BIRC6: variants seen among roughly 807,000 people sequenced by gnomAD.
BIRC6 encodes dual E2 ubiquitin-conjugating enzyme/E3 ubiquitin-protein ligase BIRC6.
Under a neutral mutation model 503.3 loss-of-function variants are expected in BIRC6, and 98 were observed. The observed-to-expected ratio is 0.19, with a 90% confidence interval of 0.17 to 0.23. The LOEUF is 0.23. Ranked by LOEUF, BIRC6 falls within the 10% of genes least tolerant of loss-of-function variation. BIRC6 has a pLI of 1.00. For missense variants in BIRC6, 5,360 were observed against 5,806.0 expected, an observed-to-expected ratio of 0.92 and a Z score of 2.50; for synonymous variants, 2,240 against 2,078.7, an observed-to-expected ratio of 1.08 and a Z score of -2.11.
At position 32,463,190 on chromosome 2, in the gene BIRC6, C is replaced by A. The variant is rs764312408; in HGVS notation, c.4754-4C>A. 3.7e-5 allele frequency: 60 copies of A among 1,601,442 alleles called. No homozygotes were observed. The South Asian group carries it at 6.5e-4, about 17-fold the overall frequency. On this transcript the variant is annotated splice_polypyrimidine_tract_variant and splice_region_variant and intron_variant, in intron 23 of 73. Transcript: ENST00000421745. ...TTTTGTTTTTACCCCTTGTCTTATGCCAGTGAGTTCCTTCGGGGTTACTCC... is the reference window on the plus strand; with the variant it reads ...TTTTGTTTTTACCCCTTGTCTTATGACAGTGAGTTCCTTCGGGGTTACTCC...
intron 1 of BIRC6, among the ~76,000 whole-genome samples, chr2:32,360,097 G>T (rs1206647530): frequency 1.3e-5 from 2 of 152,162 alleles, no homozygotes; most frequent in Non-Finnish European, 2.9e-5. Context: ...CCGTTTATGG[G>T]CAATGGGCCA....
Position 32,357,576 on chromosome 2 carries a change from T to C in BIRC6, c.325+90T>C. Reference sequence around the variant, plus strand: ...GGCCTCGCGACTCGGGGAAGCGAGATGGCGAGAGGGCAGGGCTGGGGGTTC... The same window carrying C: ...GGCCTCGCGACTCGGGGAAGCGAGACGGCGAGAGGGCAGGGCTGGGGGTTC... On this transcript the variant is annotated intron_variant, in intron 1 of 73. Coordinates refer to ENST00000421745, the MANE Select transcript of BIRC6 (RefSeq NM_016252.4). This position sits in a 1 kb window ranked among gnomAD's most constrained non-coding sequence, Gnocchi z 4.9. The C allele has an allele frequency of 6.7e-7, 1 of 1,497,360 alleles. No individual in the cohort carries two copies. The highest frequency in any genetic ancestry group is 1.3e-5 in the South Asian group (1 of 79,822). 92.8% of individuals were successfully genotyped at this position (1,497,360 alleles called of 1,614,324 possible). A position where few individuals can be genotyped will look rare whatever the true frequency, so the allele number is the denominator to read the frequency against.
intron 29 of BIRC6, 56 bp from the exon 30 acceptor site, chr2:32,469,339 T>C (rs1266770197): frequency 3.0e-6 from 4 of 1,316,024 alleles, no homozygotes; most frequent in Admixed American, 4.9e-5. Flanking sequence ...ATGCGTATTT[T>C]AATATTATAC....
rs183265589 is a variant in BIRC6, at chr2:32,521,348, A to G, written c.11623+2402A>G. On this transcript the variant is annotated intron_variant, in intron 57 of 73. Coordinates refer to ENST00000421745, the MANE Select transcript of BIRC6 (RefSeq NM_016252.4). ...ATGAGTTCCAGACCACCTGGGCAAC[A>G]TAGCAAGACCTCATCTCAAAAAAAA... Among the ~76,000 whole-genome samples the G allele has an allele frequency of 6.2e-4, 84 of 134,804 alleles. 1 individual carries two copies. In the East Asian group the frequency reaches 0.013, roughly 21 times the overall value. The allele number at this position is 134,804 out of a possible 152,430, so 88.4% of individuals were successfully genotyped here.
At chr2:32,395,118 A>C (rs1320951964) in intron 5 of BIRC6, among the ~76,000 whole-genome samples, 1 of 152,160 alleles carries the variant, frequency 6.6e-6, no homozygotes, top group Non-Finnish European at 1.5e-5. Flanking sequence ...GCGCCACTGC[A>C]CTCCAGCCTG....
chr2:32,357,052 C>A lies in BIRC6; in HGVS notation c.-110C>A. On this transcript the variant is annotated 5_prime_UTR_variant, in exon 1 of 74. Transcript: ENST00000421745. The surrounding 1 kb of genome is among the most constrained non-coding windows in gnomAD (Gnocchi z 4.9). ...CTCCCTGCTTCTCCCCCTCTCCCGTCAGCCTCCCTCCGAGTTTGGCCCCTC... is the reference window on the plus strand; with the variant it reads ...CTCCCTGCTTCTCCCCCTCTCCCGTAAGCCTCCCTCCGAGTTTGGCCCCTC... 1 of 973,548 alleles carries A rather than the reference C, an allele frequency of 1.0e-6. No homozygotes were observed. The highest frequency in any genetic ancestry group is 1.9e-5 in the South Asian group (1 of 52,844). 60.3% of individuals were successfully genotyped at this position (973,548 alleles called of 1,614,324 possible).
chr2:32,475,404 G>A lies in BIRC6; in HGVS notation c.6721-809G>A, dbSNP rs1980641. 2.0e-5 allele frequency among the ~76,000 whole-genome samples: 3 copies of A among 152,096 alleles called. No individual in the cohort carries two copies. In the South Asian group the frequency reaches 6.2e-4, roughly 32 times the overall value. On this transcript the variant is annotated intron_variant, in intron 33 of 73. Coordinates refer to ENST00000421745, the MANE Select transcript of BIRC6 (RefSeq NM_016252.4). The stretch of plus-strand genomic sequence containing the variant: ...TTTGGTCTGTTTGTTCATTGTTGTC[G>A]ACTGCTGATTGCTGTTGTTTAGGGA...
chr2:32,377,004 G>C (rs540005963), intron 1 of BIRC6, among the ~76,000 whole-genome samples: 1 of 152,078 alleles, frequency 6.6e-6, no homozygotes, highest in South Asian at 2.1e-4. Flanking sequence ...TCTAATAACT[G>C]TCCATGCTGT....
chr2:32,531,681 A>T, intron 61 of BIRC6, 130 bp downstream of exon 61: 1 of 807,994 alleles, frequency 1.2e-6, no homozygotes, highest in Non-Finnish European at 1.9e-6. Flanking sequence ...TTTGAACATT[A>T]TATAACTCTT....
chr2:32,377,498 T>G, intron 1 of BIRC6, 90 bp from the exon 2 acceptor site: 7 of 1,033,940 alleles, frequency 6.8e-6, no homozygotes, highest in Non-Finnish European at 8.0e-6. Context: ...TTCAGGATAA[T>G]ATATTGTGTT....
At position 32,532,134 on chromosome 2, in the gene BIRC6, CGTGTGTGTGTGTGTGTGT is replaced by C. The variant is rs138437601; in HGVS notation, c.12291+603_12291+620del. Reference sequence around the variant, plus strand: ...GGAATTATTCTCTTTGATTTCATGTCGTGTGTGTGTGTGTGTGTGTGTGTGTGTGTGTGTGTGGTTATT... The same window carrying C: ...GGAATTATTCTCTTTGATTTCATGTCGTGTGTGTGTGTGTGTGTGGTTATT... On this transcript the variant is annotated intron_variant, in intron 61 of 73. Transcript: ENST00000421745. 58 of 449,832 alleles carry C rather than the reference CGTGTGTGTGTGTGTGTGT, an allele frequency of 1.3e-4. 1 individual carries two copies. In the East Asian group the frequency reaches 3.1e-3, roughly 24 times the overall value. 27.9% of individuals were successfully genotyped at this position (449,832 alleles called of 1,614,324 possible).
intron 22 of BIRC6, among the ~76,000 whole-genome samples, chr2:32,450,899 A>T (rs2046636415): frequency 6.6e-6 from 1 of 152,204 alleles, no homozygotes; most frequent in Non-Finnish European, 1.5e-5. Flanking sequence ...TAATGACAAG[A>T]AAAAAAGGCT....
chr2:32,470,369 C>A (rs2048982802), intron 31 of BIRC6, 68 bp downstream of exon 31: 1 of 1,330,992 alleles, frequency 7.5e-7, no homozygotes, highest in Non-Finnish European at 1.0e-6. Flanking sequence ...TATAAAATAT[C>A]TTCTCTGAAA....
At chr2:32,594,473 T>C (rs2061559394) in intron 67 of BIRC6, among the ~76,000 whole-genome samples, 1 of 152,176 alleles carries the variant, frequency 6.6e-6, no homozygotes, top group African/African-American at 2.4e-5. Context: ...AATGGATAGA[T>C]CACTTGAGCT....
At chr2:32,503,743 T>G in intron 49 of BIRC6, among the ~76,000 whole-genome samples, 1 of 151,974 alleles carries the variant, frequency 6.6e-6, no homozygotes, top group East Asian at 1.9e-4. Context: ...TTTTAACAGT[T>G]CTTTAGCAGT....
At chr2:32,435,184 A>G (rs2044562409) in intron 13 of BIRC6, among the ~76,000 whole-genome samples, 1 of 152,166 alleles carries the variant, frequency 6.6e-6, no homozygotes, top group South Asian at 2.1e-4. Flanking sequence ...GGTAGTTTCA[A>G]AGCTCTGCAA....
At chr2:32,366,918 C>T (rs1327161908) in intron 1 of BIRC6, among the ~76,000 whole-genome samples, 1 of 151,950 alleles carries the variant, frequency 6.6e-6, no homozygotes, top group African/African-American at 2.4e-5. Context: ...GCACTTCAGG[C>T]AGCAGTGAGC....
At chr2:32,430,163 C>T (rs79959783) in intron 11 of BIRC6, among the ~76,000 whole-genome samples, 5,070 of 152,126 alleles carry the variant, frequency 0.033, 187 homozygotes, top group African/African-American at 0.093. Flanking sequence ...TGTGAAAATA[C>T]TCTAAACCTA....
chr2:32,396,799 C>G (rs1388681356), intron 6 of BIRC6, among the ~76,000 whole-genome samples: 1 of 152,174 alleles, frequency 6.6e-6, no homozygotes, highest in Non-Finnish European at 1.5e-5. Context: ...TCTCGGCTCA[C>G]TGCAACCTCT....
Sources: allele counts gnomAD v4.1 joint callset (sites outside exome capture counted in the v4.1 genomes callset), GRCh38; gene constraint gnomAD v4.1.1; non-coding constraint Gnocchi (gnomAD v3.1); transcripts MANE v1.5; gene names NCBI Gene and HGNC (gene_info 2026-07-23, HGNC 2026-07-21).